Variants in DLG2 observed in about 807,000 individuals in gnomAD.
DLG2 encodes disks large homolog 2.
A neutral mutation model predicts 132.5 loss-of-function variants in DLG2; 45 were observed. That is an observed-to-expected ratio of 0.34 (90% CI 0.27 to 0.44). DLG2 has a LOEUF of 0.44. Among genes scored for constraint, DLG2 ranks in the 20% least tolerant of loss-of-function variants. The pLI, the probability that DLG2 is intolerant of heterozygous loss-of-function variation, is 1.00. For synonymous variants in DLG2, 424 were observed against 419.6 expected (o/e 1.01, Z -0.13); for missense variants, 1,045 against 1,196.9 (o/e 0.87, Z 1.87).
intron 9 of DLG2, among the ~76,000 whole-genome samples, chr11:84,146,305 TAATA>T: frequency 6.6e-6 from 1 of 152,176 alleles, no homozygotes; most frequent in Non-Finnish European, 1.5e-5. Context: ...AAGGTCTAAA[TAATA>T]ATTTAATTGT....
intron 6 of DLG2, among the ~76,000 whole-genome samples, chr11:84,637,931 A>G (rs997546455): frequency 6.6e-6 from 1 of 152,240 alleles, no homozygotes; most frequent in Non-Finnish European, 1.5e-5. Context: ...ACATGCCAAT[A>G]TGAAGCTCAT....
intron 7 of DLG2, among the ~76,000 whole-genome samples, chr11:84,327,798 T>A (rs934653582): frequency 6.6e-6 from 1 of 152,234 alleles, no homozygotes; most frequent in Non-Finnish European, 1.5e-5. Context: ...TACTTATGGT[T>A]ATTTTTATAC....
intron 18 of DLG2, among the ~76,000 whole-genome samples, chr11:83,724,305 C>G (rs2089457893): frequency 6.6e-6 from 1 of 152,146 alleles, no homozygotes; most frequent in Admixed American, 6.5e-5. Flanking sequence ...TGGATTAGAA[C>G]TAGGCTCTCC....
chr11:84,406,657 T>A (rs1282041921), intron 7 of DLG2, among the ~76,000 whole-genome samples: 1 of 152,208 alleles, frequency 6.6e-6, no homozygotes, highest in Non-Finnish European at 1.5e-5. Flanking sequence ...CTTTTAAGGC[T>A]GTTCAAAGAA....
chr11:83,635,188 T>G (rs2064469559), intron 18 of DLG2, among the ~76,000 whole-genome samples: 1 of 152,170 alleles, frequency 6.6e-6, no homozygotes, highest in African/African-American at 2.4e-5. Flanking sequence ...TTTTAGTGAC[T>G]TATGATCTCA....
intron 21 of DLG2, among the ~76,000 whole-genome samples, chr11:83,492,538 A>G (rs1432272704): frequency 1.3e-5 from 2 of 151,996 alleles, no homozygotes; most frequent in Non-Finnish European, 2.9e-5. Flanking sequence ...TATCTAATAC[A>G]TAGTCTTCAA....
chr11:85,247,077 TTTC>T (rs2076171679), intron 4 of DLG2, among the ~76,000 whole-genome samples: 1 of 151,510 alleles, frequency 6.6e-6, no homozygotes, highest in South Asian at 2.1e-4. Flanking sequence ...AATCCTCTGT[TTTC>T]TTCTATCTCC....
chr11:83,613,420 T>A (rs11233696), intron 19 of DLG2, among the ~76,000 whole-genome samples: 28,572 of 151,330 alleles, frequency 0.19, 2,840 homozygotes, highest in African/African-American at 0.19. Flanking sequence ...GAATTTCTAA[T>A]CAGTTCATTT....
intron 8 of DLG2, among the ~76,000 whole-genome samples, chr11:84,206,576 G>T (rs938757003): frequency 2.6e-5 from 4 of 151,970 alleles, no homozygotes; most frequent in Non-Finnish European, 4.4e-5. Context: ...AGAATACAAG[G>T]TGGGCTTAAC....
chr11:84,134,229 C>T (rs1723119722), intron 9 of DLG2, among the ~76,000 whole-genome samples: 1 of 152,032 alleles, frequency 6.6e-6, no homozygotes, highest in South Asian at 2.1e-4. Context: ...GGGAGAGCTT[C>T]TGATCCAATC....
intron 7 of DLG2, among the ~76,000 whole-genome samples, chr11:84,320,285 T>TA (rs1159678676): frequency 1.3e-5 from 2 of 152,148 alleles, no homozygotes; most frequent in South Asian, 2.1e-4. Context: ...CTTGATTTAA[T>TA]AAAAAATAGC....
intron 3 of DLG2, among the ~76,000 whole-genome samples, chr11:85,494,678 T>TAG (rs1565581725): frequency 6.6e-6 from 1 of 152,034 alleles, no homozygotes; most frequent in African/African-American, 2.4e-5. Flanking sequence ...TTAATGAATC[T>TAG]CATAAAAATG....
At chr11:83,769,120 AT>A (rs547208747) in intron 18 of DLG2, among the ~76,000 whole-genome samples, 1 of 152,060 alleles carries the variant, frequency 6.6e-6, no homozygotes, top group Non-Finnish European at 1.5e-5. Flanking sequence ...TTCACTTGTG[AT>A]TTTTTTCTGA....
At chr11:85,443,135 A>G (rs186156611) in intron 3 of DLG2, among the ~76,000 whole-genome samples, 54 of 152,328 alleles carry the variant, frequency 3.5e-4, no homozygotes, top group African/African-American at 9.4e-4. Flanking sequence ...TAAAATACAC[A>G]TTTGACTAGA....
At position 84,981,562 on chromosome 11, in the gene DLG2, T is replaced by A. The variant is rs541861714; in HGVS notation, c.357+130099A>T. ...TTCCCAAGTTATGTGGGATGACTCA[T>A]TTTTTTCTGTTTTGCTTATAAAACA... On this transcript the variant is annotated intron_variant, in intron 6 of 27. Coordinates refer to ENST00000376104, the MANE Select transcript of DLG2 (RefSeq NM_001142699.3). 4.6e-5 allele frequency among the ~76,000 whole-genome samples: 7 copies of A among 152,254 alleles called. No individual in the cohort carries two copies. The East Asian group carries it at 9.6e-4, about 21-fold the overall frequency.
chr11:84,441,488 T>C (rs553482977), intron 7 of DLG2, among the ~76,000 whole-genome samples: 2 of 152,286 alleles, frequency 1.3e-5, no homozygotes, highest in South Asian at 4.1e-4. Flanking sequence ...AATATGTACA[T>C]AATATTTAAC....
At chr11:83,729,570 A>G (rs1313990380) in intron 18 of DLG2, among the ~76,000 whole-genome samples, 1 of 152,168 alleles carries the variant, frequency 6.6e-6, no homozygotes, top group Non-Finnish European at 1.5e-5. Flanking sequence ...TATAAATCAC[A>G]TCACCTTGCA....
chr11:84,068,527 A>G (rs2096711431), intron 10 of DLG2, among the ~76,000 whole-genome samples: 1 of 66,540 alleles, frequency 1.5e-5, no homozygotes, highest in East Asian at 4.9e-4. Context: ...GAAAAATATT[A>G]ATGGAGTTCC....
At chr11:85,535,270 TCAAA>T (rs1160578862) in intron 3 of DLG2, among the ~76,000 whole-genome samples, 1 of 152,064 alleles carries the variant, frequency 6.6e-6, no homozygotes, top group Admixed American at 6.6e-5. Flanking sequence ...AAAAATAATT[TCAAA>T]CATTGTAGGT....
Sources: allele counts gnomAD v4.1 joint callset (sites outside exome capture counted in the v4.1 genomes callset), GRCh38; gene constraint gnomAD v4.1.1; transcripts MANE v1.5; gene names NCBI Gene and HGNC (gene_info 2026-07-23, HGNC 2026-07-21).